The following HSD17B12 variants were observed in gnomAD, a reference collection of about 807,000 sequenced individuals.
HSD17B12 encodes hydroxysteroid 17-beta dehydrogenase 12.
In HSD17B12, 32 loss-of-function variants were observed where a neutral mutation model predicts 39.3. That is an observed-to-expected ratio of 0.81 (90% CI 0.61 to 1.09). The LOEUF (loss-of-function observed/expected upper bound fraction) is 1.09, where lower values mean the gene tolerates loss of function less well. Ranked by LOEUF, HSD17B12 falls within the 50% of genes least tolerant of loss-of-function variation. The pLI is 0.00. For synonymous variants in HSD17B12, 150 were observed against 146.7 expected, an observed-to-expected ratio of 1.02 and a Z score of -0.16; for missense variants, 342 against 382.9, an observed-to-expected ratio of 0.89 and a Z score of 0.89.
the HSD17B12 span, among the ~76,000 whole-genome samples, chr11:43,589,113 G>A: frequency 6.6e-6 from 1 of 152,026 alleles, no homozygotes; most frequent in African/African-American, 2.4e-5. Context: ...AAAAAATAAG[G>A]AAAAATAGAA....
At chr11:43,691,121 A>G (rs1032751124) in intron 1 of HSD17B12, among the ~76,000 whole-genome samples, 2 of 152,138 alleles carry the variant, frequency 1.3e-5, no homozygotes, top group African/African-American at 2.4e-5. Context: ...TTTGCTAATT[A>G]TGTCATCGTC....
chr11:43,711,676 T>G (rs1950067932), intron 1 of HSD17B12, among the ~76,000 whole-genome samples: 1 of 152,038 alleles, frequency 6.6e-6, no homozygotes, highest in African/African-American at 2.4e-5. Flanking sequence ...GTTTTTGCCT[T>G]GTTGCCCAGG....
chr11:43,585,819 T>C, the HSD17B12 span, among the ~76,000 whole-genome samples: 1 of 152,156 alleles, frequency 6.6e-6, no homozygotes, highest in Admixed American at 6.5e-5. Flanking sequence ...TGTGAGAAAA[T>C]CTAAGAAAAT....
intron 3 of HSD17B12, among the ~76,000 whole-genome samples, chr11:43,761,044 C>G (rs1267130833): frequency 6.6e-6 from 1 of 152,138 alleles, no homozygotes; most frequent in Non-Finnish European, 1.5e-5. Context: ...ACGTTCTGTA[C>G]TGCCTGTAAG....
Position 43,764,041 on chromosome 11 carries a change from T to G in HSD17B12, c.283+9920T>G, listed in dbSNP as rs1950576114. Among the ~76,000 whole-genome samples, 3 of 152,258 alleles carry G rather than the reference T, an allele frequency of 2.0e-5. No individual in the cohort carries two copies. In the South Asian group the frequency reaches 6.2e-4, roughly 32 times the overall value. On this transcript the variant is annotated intron_variant, in intron 3 of 10. Coordinates refer to ENST00000278353, the MANE Select transcript of HSD17B12 (RefSeq NM_016142.3). ...TCTGAAGTTCACAAGTGTCAAGCCT[T>G]GGCATTATATTTCATACTGTGATAA...
At chr11:43,642,902 A>G in the HSD17B12 span, among the ~76,000 whole-genome samples, 519 of 152,150 alleles carry the variant, frequency 3.4e-3, 4 homozygotes, top group East Asian at 0.031. Flanking sequence ...AAATGTACTA[A>G]TAAGCTAAAT....
chr11:43,673,489 T>TCTTGTC, the HSD17B12 span: 1 of 47,390 alleles, frequency 2.1e-5, no homozygotes, highest in Admixed American at 4.8e-4. Context: ...TTTCTTTTCT[T>TCTTGTC]TTCTTTTTTT....
At position 43,854,723 on chromosome 11, in the gene HSD17B12, G is replaced by C. The variant is rs1454862500; in HGVS notation, c.693G>C (p.Leu231=). The change falls in exon 10 of 11, where the codon CTG becomes CTC. Residue 231 remains leucine, a synonymous_variant. Coordinates refer to ENST00000278353, the MANE Select transcript of HSD17B12 (RefSeq NM_016142.3). The part of the protein sequence containing the change: ...RSKGVFVQSV[L]PYFVATKLAK... ...GGGTGTTCCCTTTCTAGAGTGTCCT[G>C]CCATACTTCGTAGCTACAAAACTGG... 1 of 1,613,470 alleles carries C rather than the reference G, an allele frequency of 6.2e-7. No homozygotes were observed. The highest frequency in any genetic ancestry group is 8.5e-7 in the Non-Finnish European group (1 of 1,180,026).
chr11:43,687,218 G>C (rs1949809665), intron 1 of HSD17B12, among the ~76,000 whole-genome samples: 1 of 152,196 alleles, frequency 6.6e-6, no homozygotes, highest in Non-Finnish European at 1.5e-5. Context: ...CAATTCATAT[G>C]CATGTCATCT....
intron 9 of HSD17B12, among the ~76,000 whole-genome samples, chr11:43,849,381 T>C (rs111659309): frequency 2.2e-4 from 34 of 152,220 alleles, no homozygotes; most frequent in Non-Finnish European, 4.7e-4. Flanking sequence ...CTCATCTCTT[T>C]CACAATGAAA....
the HSD17B12 span, among the ~76,000 whole-genome samples, chr11:43,595,224 T>A: frequency 1.3e-5 from 2 of 152,366 alleles, no homozygotes; most frequent in East Asian, 3.9e-4. Context: ...TGAAGGTTCT[T>A]GGATTTTCAT....
At chr11:43,573,523 C>T in the HSD17B12 span, among the ~76,000 whole-genome samples, 1 of 152,206 alleles carries the variant, frequency 6.6e-6, no homozygotes, top group Non-Finnish European at 1.5e-5. Context: ...ATTTTGGCTG[C>T]TGCCCTTAAA....
the HSD17B12 span, among the ~76,000 whole-genome samples, chr11:43,626,138 G>A: frequency 2.7e-5 from 4 of 150,764 alleles, no homozygotes; most frequent in African/African-American, 7.3e-5. Context: ...TTTAAAACCC[G>A]GTATTATATC....
At chr11:43,623,087 T>A in the HSD17B12 span, among the ~76,000 whole-genome samples, 5 of 152,126 alleles carry the variant, frequency 3.3e-5, no homozygotes, top group Admixed American at 6.6e-5. Context: ...GGAAAAATAG[T>A]GTTGCTCAAG....
At chr11:43,719,624 AAAAAT>A (rs984510507) in intron 1 of HSD17B12, among the ~76,000 whole-genome samples, 5 of 126,640 alleles carry the variant, frequency 3.9e-5, no homozygotes, top group South Asian at 2.5e-4. Context: ...TCAAAAAAAA[AAAAAT>A]ATATATATAT....
At chr11:43,586,095 TG>T in the HSD17B12 span, among the ~76,000 whole-genome samples, 1,176 of 152,294 alleles carry the variant, frequency 7.7e-3, 19 homozygotes, top group African/African-American at 0.026. Flanking sequence ...CTGTGTTCTC[TG>T]GGTATTTTTT....
the HSD17B12 span, among the ~76,000 whole-genome samples, chr11:43,574,780 C>T: frequency 6.6e-6 from 1 of 152,162 alleles, no homozygotes; most frequent in Non-Finnish European, 1.5e-5. Flanking sequence ...ATATCCTGGT[C>T]TTTGAGAGGG....
At chr11:43,707,648 A>G (rs1012199111) in intron 1 of HSD17B12, among the ~76,000 whole-genome samples, 1 of 152,232 alleles carries the variant, frequency 6.6e-6, no homozygotes, top group African/African-American at 2.4e-5. Flanking sequence ...GCAGCCATTG[A>G]ATTGTGTAGA....
chr11:43,582,110 C>G, the HSD17B12 span, among the ~76,000 whole-genome samples: 6 of 152,204 alleles, frequency 3.9e-5, no homozygotes, highest in Non-Finnish European at 8.8e-5. Context: ...TGCTTCCAAC[C>G]TAATTTGGGG....
Sources: allele counts gnomAD v4.1 joint callset (sites outside exome capture counted in the v4.1 genomes callset), GRCh38; gene constraint gnomAD v4.1.1; transcripts MANE v1.5; gene names NCBI Gene and HGNC (gene_info 2026-07-23, HGNC 2026-07-21).